THSD4: variants seen among roughly 807,000 people sequenced by gnomAD.
The protein encoded by THSD4 is thrombospondin type 1 domain containing 4.
THSD4 carries 69 observed loss-of-function variants against 119.0 expected under a neutral mutation model. That is an observed-to-expected ratio of 0.58 (90% CI 0.48 to 0.71). THSD4 has a LOEUF of 0.71. Among genes scored for constraint, THSD4 ranks in the 30% least tolerant of loss-of-function variants. THSD4 has a pLI of 0.00. For missense variants in THSD4, 1,393 were observed against 1,391.1 expected (o/e 1.00, Z -0.02); for synonymous variants, 524 against 540.4 (o/e 0.97, Z 0.42).
intron 7 of THSD4, among the ~76,000 whole-genome samples, chr15:71,616,722 T>G (rs573708938): frequency 6.6e-6 from 1 of 152,216 alleles, no homozygotes; most frequent in Non-Finnish European, 1.5e-5. Flanking sequence ...CTGGAAATGT[T>G]CTAGCAATGG....
intron 11 of THSD4, among the ~76,000 whole-genome samples, chr15:71,744,123 G>GA (rs1402178339): frequency 7.0e-6 from 1 of 143,356 alleles, no homozygotes; most frequent in Non-Finnish European, 1.5e-5. Context: ...TGGCAGCAGA[G>GA]AAAGGAAGGC....
chr15:71,159,322 T>G (rs1427601527), intron 3 of THSD4, among the ~76,000 whole-genome samples: 5 of 152,272 alleles, frequency 3.3e-5, no homozygotes, highest in Non-Finnish European at 7.4e-5. Context: ...CCATATGAAT[T>G]TTAGGATTAT....
intron 8 of THSD4, among the ~76,000 whole-genome samples, chr15:71,676,495 T>C (rs574535174): frequency 2.8e-4 from 43 of 152,314 alleles, no homozygotes; most frequent in African/African-American, 9.4e-4. Context: ...TTGGCCAGGA[T>C]GGTCTCAATC....
intron 8 of THSD4, among the ~76,000 whole-genome samples, chr15:71,699,607 A>G (rs1490771855): frequency 1.3e-5 from 2 of 152,224 alleles, no homozygotes; most frequent in Admixed American, 6.5e-5. Context: ...ACAGCTTTCT[A>G]TACCATACTT....
At chr15:71,613,227 C>T (rs755790768) in intron 7 of THSD4, among the ~76,000 whole-genome samples, 4 of 152,194 alleles carry the variant, frequency 2.6e-5, no homozygotes, top group South Asian at 2.1e-4. Flanking sequence ...CAAGAAATGC[C>T]GTGTATTATG....
chr15:71,665,331 A>G (rs531325782), intron 8 of THSD4, among the ~76,000 whole-genome samples: 16 of 81,258 alleles, frequency 2.0e-4, no homozygotes, highest in African/African-American at 5.8e-4. Flanking sequence ...TCTTTTGCCC[A>G]CTTTTTAATG....
intron 7 of THSD4, among the ~76,000 whole-genome samples, chr15:71,560,621 G>A (rs1386412343): frequency 6.6e-6 from 1 of 152,132 alleles, no homozygotes; most frequent in Non-Finnish European, 1.5e-5. Context: ...TTGTAAAGAT[G>A]TACTTTCCAT....
At chr15:71,476,366 G>A (rs1198794485) in intron 7 of THSD4, among the ~76,000 whole-genome samples, 1 of 152,152 alleles carries the variant, frequency 6.6e-6, no homozygotes, top group Non-Finnish European at 1.5e-5. Flanking sequence ...AGAGTAGTTG[G>A]GATTACTAGT....
At chr15:71,754,065 G>T (rs992567258) in intron 14 of THSD4, among the ~76,000 whole-genome samples, 12 of 143,328 alleles carry the variant, frequency 8.4e-5, no homozygotes, top group Non-Finnish European at 1.7e-4. Context: ...CTGAAATTCT[G>T]TTTACCTTTT....
intron 6 of THSD4, among the ~76,000 whole-genome samples, chr15:71,390,617 G>C (rs182173467): frequency 6.6e-6 from 1 of 152,002 alleles, no homozygotes; most frequent in Non-Finnish European, 1.5e-5. Context: ...ATTTAAACTC[G>C]TGTCTGCATT....
At chr15:71,644,644 C>G (rs1370372447) in intron 7 of THSD4, among the ~76,000 whole-genome samples, 1 of 152,116 alleles carries the variant, frequency 6.6e-6, no homozygotes, top group African/African-American at 2.4e-5. Flanking sequence ...ATGTTGCTGA[C>G]TTTGAGTCAC....
chr15:71,531,463 T>G (rs1475019890), intron 7 of THSD4, among the ~76,000 whole-genome samples: 1 of 152,100 alleles, frequency 6.6e-6, no homozygotes, highest in African/African-American at 2.4e-5. Context: ...GTGGGTGAAT[T>G]CAAGACACAT....
chr15:71,384,008 GTC>G (rs150738987), intron 6 of THSD4, among the ~76,000 whole-genome samples: 7,676 of 152,226 alleles, frequency 0.05, 221 homozygotes, highest in African/African-American at 0.083. Context: ...TCAATAGGTG[GTC>G]TCTTTGCAAC....
At chr15:71,447,110 TTTTTTTTG>T (rs1447998053) in intron 7 of THSD4, among the ~76,000 whole-genome samples, 20 of 28,694 alleles carry the variant, frequency 7.0e-4, no homozygotes, top group African/African-American at 1.7e-3. Context: ...CTTCCCTCCA[TTTTTTTTG>T]TTTTTTTTTT....
intron 6 of THSD4, among the ~76,000 whole-genome samples, chr15:71,297,763 T>A (rs1336994300): frequency 6.6e-6 from 1 of 152,180 alleles, no homozygotes; most frequent in Non-Finnish European, 1.5e-5. Context: ...TGCACACGAC[T>A]GCACCCTGCT....
chr15:71,290,774 G>A (rs2044780155), intron 6 of THSD4, among the ~76,000 whole-genome samples: 1 of 152,016 alleles, frequency 6.6e-6, no homozygotes, highest in African/African-American at 2.4e-5. Flanking sequence ...CATGCTAAAG[G>A]TGGCTAATAG....
chr15:71,437,802 G>C (rs976850844), intron 7 of THSD4, among the ~76,000 whole-genome samples: 4 of 152,196 alleles, frequency 2.6e-5, no homozygotes, highest in African/African-American at 9.7e-5. Context: ...CCTCCGAAGT[G>C]GTTGAAACAA....
At chr15:71,157,749 G>A (rs1232677349) in intron 3 of THSD4, among the ~76,000 whole-genome samples, 4 of 138,218 alleles carry the variant, frequency 2.9e-5, no homozygotes, top group Admixed American at 7.7e-5. Context: ...TTTCTGTGTC[G>A]GCTTATTTCA....
chr15:71,511,506 A>G (rs1399785261), intron 7 of THSD4, among the ~76,000 whole-genome samples: 1 of 152,220 alleles, frequency 6.6e-6, no homozygotes, highest in Non-Finnish European at 1.5e-5. Context: ...CACTACAAAT[A>G]TTTAAGGATC....
Sources: gnomAD v4.1 joint callset for allele counts (sites outside exome capture counted in the v4.1 genomes callset) on GRCh38, gnomAD v4.1.1 for gene constraint, MANE v1.5 for transcripts, NCBI Gene and HGNC (gene_info 2026-07-23, HGNC 2026-07-21) for gene names.